COL5A1: variants seen among roughly 807,000 people sequenced by gnomAD.
COL5A1 encodes the protein collagen alpha-1(V) chain.
In COL5A1, 16 loss-of-function variants were observed where a neutral mutation model predicts 263.7. The observed-to-expected ratio is 0.06, with a 90% CI of 0.04 to 0.09. The LOEUF (loss-of-function observed/expected upper bound fraction) is 0.09, where lower values mean the gene tolerates loss of function less well. Ranked by LOEUF, COL5A1 falls within the 10% of genes least tolerant of loss-of-function variation. The probability of loss-of-function intolerance (pLI) is 1.00; values close to 1 mark genes in which losing one functional copy is unlikely to be tolerated. For synonymous variants in COL5A1, 1,012 were observed against 1,004.5 expected (o/e 1.01, Z -0.14); for missense variants, 2,036 against 2,540.5 (o/e 0.80, Z 4.27).
chr9:134,777,301 G>A (rs1018052715), intron 27 of COL5A1, among the ~76,000 whole-genome samples: 6 of 152,228 alleles, frequency 3.9e-5, no homozygotes, highest in African/African-American at 1.4e-4. Flanking sequence ...GGTCCCAGCC[G>A]TGCTGCAGCT....
chr9:134,824,512 A>G, intron 61 of COL5A1, 88 bp from the exon 62 acceptor site: 1 of 1,558,456 alleles, frequency 6.4e-7, no homozygotes, highest in Non-Finnish European at 8.7e-7. Flanking sequence ...ACCCCTGCAG[A>G]TGTGGCCCCA....
chr9:134,819,665 T>C (rs559327474), intron 57 of COL5A1, among the ~76,000 whole-genome samples: 1 of 152,314 alleles, frequency 6.6e-6, no homozygotes, highest in African/African-American at 2.4e-5. Context: ...ACAGCGAGTG[T>C]CATGGATTCT....
rs1169619233 is a variant in COL5A1, at chr9:134,796,428, TG to T, written c.2844+12del. ...CCCTCCTGGTGAACGGGTAAGCAGC[TG>T]GAGCCTTCGGGGGTGTCTCCAAGGG... On this transcript the variant is annotated intron_variant, in intron 35 of 65. Coordinates refer to ENST00000371817, the MANE Select transcript of COL5A1 (RefSeq NM_000093.5). The T allele has an allele frequency of 6.2e-6, 10 of 1,613,954 alleles. No homozygotes were observed. The highest frequency in any genetic ancestry group is 7.6e-6 in the Non-Finnish European group (9 of 1,179,996).
chr9:134,824,278 C>G (rs1839159703), intron 61 of COL5A1, among the ~76,000 whole-genome samples: 1 of 152,220 alleles, frequency 6.6e-6, no homozygotes, highest in Non-Finnish European at 1.5e-5. Flanking sequence ...GGTCCCTTTC[C>G]TCAAGGCTTG....
At chr9:134,723,437 T>C (rs1834539191) in intron 4 of COL5A1, among the ~76,000 whole-genome samples, 1 of 152,182 alleles carries the variant, frequency 6.6e-6, no homozygotes, top group African/African-American at 2.4e-5. Flanking sequence ...CCATCTGTTC[T>C]GAGATGTGGA....
chr9:134,772,675 C>T, intron 25 of COL5A1, 115 bp from the exon 26 acceptor site: 2 of 1,157,866 alleles, frequency 1.7e-6, no homozygotes, highest in Non-Finnish European at 2.6e-6. Flanking sequence ...CTCAGTTTTC[C>T]TGGGGAGGAA....
intron 1 of COL5A1, among the ~76,000 whole-genome samples, chr9:134,648,287 CCT>C (rs1491547596): frequency 2.2e-5 from 3 of 134,124 alleles, no homozygotes; most frequent in Admixed American, 1.5e-4. Context: ...TTAATAAACT[CCT>C]ATATATATAT....
intron 57 of COL5A1, 151 bp downstream of exon 57, chr9:134,819,204 G>A: frequency 1.2e-6 from 1 of 867,042 alleles, no homozygotes; most frequent in Non-Finnish European, 1.9e-6. Flanking sequence ...GGGTGACAAA[G>A]GAAAATAGAC....
intron 52 of COL5A1, among the ~76,000 whole-genome samples, chr9:134,816,596 C>T (rs541660758): frequency 8.7e-4 from 132 of 152,374 alleles, no homozygotes; most frequent in African/African-American, 3.1e-3. Flanking sequence ...GGAGCGTCCA[C>T]TCAGAGAAGG....
At chr9:134,746,074 C>T (rs552667875) in intron 11 of COL5A1, among the ~76,000 whole-genome samples, 2 of 152,210 alleles carry the variant, frequency 1.3e-5, no homozygotes, top group African/African-American at 2.4e-5. Context: ...GGCACAGTCA[C>T]GTGTTTCAGG....
chr9:134,837,742 C>A (rs562754447), intron 65 of COL5A1, among the ~76,000 whole-genome samples: 1 of 152,048 alleles, frequency 6.6e-6, no homozygotes, highest in East Asian at 1.9e-4. Context: ...GCAAGACATT[C>A]CACTTTGCCA....
chr9:134,828,863 ACAC>A (rs1839440526), intron 63 of COL5A1, among the ~76,000 whole-genome samples: 1 of 146,640 alleles, frequency 6.8e-6, no homozygotes, highest in African/African-American at 2.7e-5. Flanking sequence ...CACTACACAC[ACAC>A]CACACATCAC....
intron 52 of COL5A1, among the ~76,000 whole-genome samples, chr9:134,816,277 G>T (rs945413821): frequency 1.3e-5 from 2 of 152,240 alleles, no homozygotes; most frequent in African/African-American, 4.8e-5. Context: ...GCTCGCCCGG[G>T]AACGTCAGAT....
chr9:134,694,289 G>T (rs1442905594), intron 2 of COL5A1, among the ~76,000 whole-genome samples: 1 of 152,244 alleles, frequency 6.6e-6, no homozygotes, highest in East Asian at 1.9e-4. Context: ...CCACCTGGGT[G>T]CAGTGCCCGT....
At chr9:134,654,420 GA>G (rs1465304446) in intron 1 of COL5A1, among the ~76,000 whole-genome samples, 12 of 101,440 alleles carry the variant, frequency 1.2e-4, no homozygotes, top group Admixed American at 4.0e-4. Context: ...TGTAGGGCTG[GA>G]GGTGTGTAGG....
chr9:134,842,531 C>T lies in COL5A1; in HGVS notation c.*228C>T. On this transcript the variant is annotated 3_prime_UTR_variant, in exon 66 of 66. Coordinates refer to ENST00000371817, the MANE Select transcript of COL5A1 (RefSeq NM_000093.5). The surrounding 1 kb of genome is among the most constrained non-coding windows in gnomAD (Gnocchi z 5.8). ...GCTGAATCACATGACCTAGCTGCAC[C>T]CCAGCGCCTGGGCCCGCCCCACGCT... The T allele has an allele frequency of 1.6e-6, 1 of 614,786 alleles. No homozygotes were observed. The highest frequency in any genetic ancestry group is 2.9e-6 in the Non-Finnish European group (1 of 348,120). The allele number at this position is 614,786 out of a possible 1,614,324, so 38.1% of individuals were successfully genotyped here.
chr9:134,782,325 G>A (rs1228699060), intron 28 of COL5A1, among the ~76,000 whole-genome samples: 1 of 152,248 alleles, frequency 6.6e-6, no homozygotes, highest in Non-Finnish European at 1.5e-5. Context: ...GTGCTTCAGT[G>A]CTGATGGGAC....
Position 134,652,874 on chromosome 9 carries a change from C to A in COL5A1, c.109+10578C>A. ...CACAGATTGTTTCTGACTCAGGAGG[C>A]CTTGGGTGGGCCCAGGAAACTGCAT... On this transcript the variant is annotated intron_variant, in intron 1 of 65. Transcript: ENST00000371817. The surrounding 1 kb of genome is among the most constrained non-coding windows in gnomAD (Gnocchi z 4.4). 1 of 360,306 alleles carries A rather than the reference C, an allele frequency of 2.8e-6. No homozygotes were observed. The highest frequency in any genetic ancestry group is 2.1e-5 in the South Asian group (1 of 47,484). 22.3% of individuals were successfully genotyped at this position (360,306 alleles called of 1,614,324 possible).
chr9:134,747,786 T>C (rs916553206), intron 11 of COL5A1, among the ~76,000 whole-genome samples: 1 of 138,974 alleles, frequency 7.2e-6, no homozygotes, highest in African/African-American at 2.8e-5. Context: ...CATGCACACA[T>C]GCATTCATAC....
Sources: allele counts gnomAD v4.1 joint callset (sites outside exome capture counted in the v4.1 genomes callset), GRCh38; gene constraint gnomAD v4.1.1; non-coding constraint Gnocchi (gnomAD v3.1); transcripts MANE v1.5; gene names NCBI Gene and HGNC (gene_info 2026-07-23, HGNC 2026-07-21).